The following SLC12A6 variants were observed in gnomAD, a reference collection of about 807,000 sequenced individuals.
SLC12A6 encodes solute carrier family 12 member 6, also known as K-Cl cotransporter 3.
In SLC12A6, 66 loss-of-function variants were observed where a neutral mutation model predicts 135.3. That is an observed-to-expected ratio of 0.49 (90% CI 0.40 to 0.60). The LOEUF is 0.60. Ranked by LOEUF, SLC12A6 falls within the 20% of genes least tolerant of loss-of-function variation. The probability of loss-of-function intolerance (pLI) is 0.00; values close to 1 mark genes in which losing one functional copy is unlikely to be tolerated. For synonymous variants in SLC12A6, 513 were observed against 508.8 expected (o/e 1.01, Z -0.11); for missense variants, 1,058 against 1,452.3 (o/e 0.73, Z 4.41).
chr15:34,316,248 G>A (rs1230207854), intron 2 of SLC12A6, among the ~76,000 whole-genome samples: 2 of 151,600 alleles, frequency 1.3e-5, no homozygotes, highest in African/African-American at 2.4e-5. Flanking sequence ...TTATATAACT[G>A]GCCAATGTTG....
At position 34,305,385 on chromosome 15, in the gene SLC12A6, G is replaced by GTT. The variant is rs553781912; in HGVS notation, c.272-29998_272-29997dup. ...GATCCAATAGGTCTCTTTTTTAAAA[G>GTT]TTTTTTTTTTTTGTATTTTTTTTTT... On this transcript the variant is annotated intron_variant, in intron 2 of 25. Coordinates refer to ENST00000354181, the MANE Select transcript of SLC12A6 (RefSeq NM_001365088.1). Among the ~76,000 whole-genome samples, 6 of 140,076 alleles carry GTT rather than the reference G, an allele frequency of 4.3e-5. No individual in the cohort carries two copies. In the South Asian group the frequency reaches 1.1e-3, roughly 26 times the overall value. 91.9% of individuals were successfully genotyped at this position (140,076 alleles called of 152,430 possible).
Position 34,236,083 on chromosome 15 carries a change from C to T in SLC12A6, c.3159G>A (p.Lys1053=). 1 of 1,614,014 alleles carries T rather than the reference C, an allele frequency of 6.2e-7. No individual in the cohort carries two copies. The highest frequency in any genetic ancestry group is 8.5e-7 in the Non-Finnish European group (1 of 1,179,882). The change falls in exon 24 of 26, where the codon AAG becomes AAA. Residue 1053 remains lysine (K), a synonymous_variant. Coordinates refer to ENST00000354181, the MANE Select transcript of SLC12A6 (RefSeq NM_001365088.1). ...CTTTTTGTCCCCGGGATGCCATGTACTTGTCTTTTGTCCAAGTCATGTGCA... is the reference window on the plus strand; with the variant it reads ...CTTTTTGTCCCCGGGATGCCATGTATTTGTCTTTTGTCCAAGTCATGTGCA... ...EKVHMTWTKD[K]YMASRGQKAK...
chr15:34,323,372 GC>G (rs1263740725), intron 2 of SLC12A6, among the ~76,000 whole-genome samples: 3 of 152,156 alleles, frequency 2.0e-5, no homozygotes, highest in South Asian at 4.1e-4. Flanking sequence ...TAGGAACGGG[GC>G]CCGCACAGCA....
chr15:34,245,398 A>G lies in SLC12A6; in HGVS notation c.1830T>C (p.Phe610=). ...KDNIIPFLRV[F]GHSKANGEPT... The stretch of plus-strand genomic sequence containing the variant: ...GTTCCCCATTGGCTTTGCTGTGGCC[A>G]AAAACCTGTACACAGAAGGGAAATA... The change falls in exon 15 of 26, where the codon TTT becomes TTC. Residue 610 remains phenylalanine (F), a synonymous_variant. Coordinates refer to ENST00000354181, the MANE Select transcript of SLC12A6 (RefSeq NM_001365088.1). 1 of 1,560,620 alleles carries G rather than the reference A, an allele frequency of 6.4e-7. No individual in the cohort carries two copies. The highest frequency in any genetic ancestry group is 8.8e-7 in the Non-Finnish European group (1 of 1,131,146).
At chr15:34,269,992 T>C (rs1203182673) in intron 3 of SLC12A6, among the ~76,000 whole-genome samples, 2 of 148,952 alleles carry the variant, frequency 1.3e-5, no homozygotes, top group African/African-American at 2.6e-5. Flanking sequence ...AATACCTCTA[T>C]AAAAAGAGAC....
chr15:34,248,573 C>T (rs1892165300), intron 13 of SLC12A6, among the ~76,000 whole-genome samples: 1 of 148,166 alleles, frequency 6.7e-6, no homozygotes, highest in South Asian at 2.1e-4. Flanking sequence ...CCCACCCACA[C>T]ACACACACAC....
chr15:34,320,721 C>T (rs1185906528), intron 2 of SLC12A6, among the ~76,000 whole-genome samples: 1 of 151,432 alleles, frequency 6.6e-6, no homozygotes, highest in Non-Finnish European at 1.5e-5. Context: ...TCAAGACCAA[C>T]CTGGCTAACA....
intron 15 of SLC12A6, 111 bp from the exon 16 acceptor site, chr15:34,244,183 T>C (rs1891834530): frequency 1.3e-6 from 1 of 742,520 alleles, no homozygotes; most frequent in African/African-American, 1.7e-5. Context: ...AACTAACCCT[T>C]GATTAAGTAG....
Position 34,240,719 on chromosome 15 carries a change from C to T in SLC12A6, c.2378G>A (p.Gly793Asp). ...LKAGKGLTIV[G>D]SVIVGNFLEN... The stretch of plus-strand genomic sequence containing the variant: ...TAGGAAGTTCCCCACGATGACAGAG[C>T]CCACAATAGTGAGACCTTTTCCTGC... The change falls in exon 19 of 26, where the codon GGC becomes GAC. Residue 793 changes from glycine to aspartate, a missense_variant. By Grantham distance (94) the Gly-to-Asp change is moderately conservative (BLOSUM62 -1). Coordinates refer to ENST00000354181, the MANE Select transcript of SLC12A6 (RefSeq NM_001365088.1). 6.2e-7 allele frequency: 1 copy of T among 1,613,934 alleles called. No homozygotes were observed. Among genetic ancestry groups the T allele is most frequent in the Non-Finnish European group, 8.5e-7 (1 of 1,179,830 alleles).
At chr15:34,320,509 T>G (rs116621124) in intron 2 of SLC12A6, among the ~76,000 whole-genome samples, 1 of 151,466 alleles carries the variant, frequency 6.6e-6, no homozygotes, top group African/African-American at 2.4e-5. Flanking sequence ...GAAGGAGGAT[T>G]AAAGAGGAAA....
intron 2 of SLC12A6, among the ~76,000 whole-genome samples, chr15:34,276,482 C>G (rs1894304067): frequency 6.6e-6 from 1 of 152,156 alleles, no homozygotes; most frequent in Non-Finnish European, 1.5e-5. Flanking sequence ...CAACCACTTA[C>G]TTATTTTAAA....
At chr15:34,321,959 G>A (rs1213058126) in intron 2 of SLC12A6, among the ~76,000 whole-genome samples, 1 of 152,216 alleles carries the variant, frequency 6.6e-6, no homozygotes, top group East Asian at 1.9e-4. Context: ...GGATCTGGAA[G>A]AATGGAAATA....
At chr15:34,291,109 G>A (rs1004342167) in intron 2 of SLC12A6, among the ~76,000 whole-genome samples, 4 of 152,230 alleles carry the variant, frequency 2.6e-5, no homozygotes, top group African/African-American at 7.2e-5. Context: ...TGTTGTTGCA[G>A]TGGCTGGTAC....
chr15:34,307,889 A>G (rs1485188889), intron 2 of SLC12A6, among the ~76,000 whole-genome samples: 1 of 152,174 alleles, frequency 6.6e-6, no homozygotes, highest in Admixed American at 6.6e-5. Context: ...TTCTGTCACA[A>G]AAGGTTACAT....
intron 2 of SLC12A6, among the ~76,000 whole-genome samples, chr15:34,298,499 TA>T (rs1022302449): frequency 2.0e-5 from 3 of 148,190 alleles, no homozygotes; most frequent in Non-Finnish European, 4.5e-5. Context: ...AATAAATAAA[TA>T]AAATAAAAAT....
At chr15:34,309,286 C>T (rs1328509875) in intron 2 of SLC12A6, among the ~76,000 whole-genome samples, 1 of 151,850 alleles carries the variant, frequency 6.6e-6, no homozygotes, top group Non-Finnish European at 1.5e-5. Context: ...AAATTCAGCC[C>T]GAAATTTAAA....
intron 2 of SLC12A6, among the ~76,000 whole-genome samples, chr15:34,298,819 T>C (rs1896053997): frequency 6.6e-6 from 1 of 152,166 alleles, no homozygotes; most frequent in Non-Finnish European, 1.5e-5. Context: ...CACACCAATC[T>C]ATTCCATTGC....
rs372204214 is a variant in SLC12A6 at position 34,292,261 on chromosome 15, T to C, written c.272-16872A>G. Among the ~76,000 whole-genome samples the C allele has an allele frequency of 1.1e-3, 169 of 152,302 alleles. 6 individuals carry two copies. In the South Asian group the frequency reaches 0.033, roughly 30 times the overall value. On this transcript the variant is annotated intron_variant, in intron 2 of 25. Coordinates refer to ENST00000354181, the MANE Select transcript of SLC12A6 (RefSeq NM_001365088.1). ...GACAGGCCACTCAGCTGCAGGTCTGTTGGAGTTTACTGGAGGTCCACTCCA... is the reference window on the plus strand; with the variant it reads ...GACAGGCCACTCAGCTGCAGGTCTGCTGGAGTTTACTGGAGGTCCACTCCA...
At chr15:34,254,661 C>T (rs1892626688) in intron 8 of SLC12A6, 72 bp from the exon 9 acceptor site, 2 of 1,174,486 alleles carry the variant, frequency 1.7e-6, no homozygotes, top group African/African-American at 1.5e-5. Context: ...TATTCGTTTG[C>T]ATTTACTTTC....
Sources: gnomAD v4.1 joint callset for allele counts (sites outside exome capture counted in the v4.1 genomes callset) on GRCh38, gnomAD v4.1.1 for gene constraint, MANE v1.5 for transcripts, NCBI Gene and HGNC (gene_info 2026-07-23, HGNC 2026-07-21) for gene names.